Variants in MEGF11 observed in about 807,000 individuals in gnomAD.
MEGF11 encodes the protein multiple epidermal growth factor-like domains protein 11.
MEGF11 carries 126 observed loss-of-function variants against 146.6 expected under a neutral mutation model. The ratio of observed to expected loss-of-function variants is 0.86; its 90% CI spans 0.74 to 1.00. The LOEUF is 1.00. Ranked by LOEUF, MEGF11 falls within the 50% of genes least tolerant of loss-of-function variation. The pLI is 0.00. For synonymous variants in MEGF11, 532 were observed against 583.4 expected, an observed-to-expected ratio of 0.91 and a Z score of 1.27; for missense variants, 1,509 against 1,521.2, an observed-to-expected ratio of 0.99 and a Z score of 0.13.
At chr15:66,005,289 T>C (rs998309878) in intron 5 of MEGF11, among the ~76,000 whole-genome samples, 2 of 152,192 alleles carry the variant, frequency 1.3e-5, no homozygotes, top group Admixed American at 6.5e-5. Context: ...AAGCTCAGAA[T>C]TGAGTTCAGG....
At chr15:66,102,860 G>A (rs1175155365) in intron 4 of MEGF11, among the ~76,000 whole-genome samples, 1 of 152,166 alleles carries the variant, frequency 6.6e-6, no homozygotes, top group South Asian at 2.1e-4. Flanking sequence ...TTGGCCTAGC[G>A]GTACAGCTTT....
At chr15:65,914,825 A>G (rs1485484538) in intron 19 of MEGF11, among the ~76,000 whole-genome samples, 3 of 152,262 alleles carry the variant, frequency 2.0e-5, no homozygotes, top group Non-Finnish European at 4.4e-5. Flanking sequence ...ATCTAGAACC[A>G]ACATGTTTGC....
intron 1 of MEGF11, among the ~76,000 whole-genome samples, chr15:66,246,314 A>G (rs907341455): frequency 6.6e-6 from 1 of 152,102 alleles, no homozygotes; most frequent in Admixed American, 6.5e-5. Context: ...TGAGTATTGC[A>G]AGCAGAGTGT....
intron 1 of MEGF11, among the ~76,000 whole-genome samples, chr15:66,206,711 C>T (rs1298487960): frequency 6.6e-6 from 1 of 151,744 alleles, no homozygotes; most frequent in Non-Finnish European, 1.5e-5. Flanking sequence ...CAAGCCTGGG[C>T]AACATAGTGA....
chr15:66,129,497 AT>A (rs2088550934), intron 1 of MEGF11, among the ~76,000 whole-genome samples: 1 of 152,212 alleles, frequency 6.6e-6, no homozygotes, highest in Non-Finnish European at 1.5e-5. Context: ...TTTCTTCTTA[AT>A]CAGCAACACT....
intron 5 of MEGF11, among the ~76,000 whole-genome samples, chr15:66,050,358 C>A (rs2084400446): frequency 6.6e-6 from 1 of 152,124 alleles, no homozygotes; most frequent in South Asian, 2.1e-4. Context: ...GAGACCTACA[C>A]TTTTAACACA....
chr15:66,012,425 A>G (rs1249093663), intron 5 of MEGF11, among the ~76,000 whole-genome samples: 1 of 152,200 alleles, frequency 6.6e-6, no homozygotes, highest in African/African-American at 2.4e-5. Context: ...ATGTGGGATG[A>G]CAGACCCCAA....
chr15:66,185,713 AG>A (rs1156391103), intron 1 of MEGF11, among the ~76,000 whole-genome samples: 1 of 152,218 alleles, frequency 6.6e-6, no homozygotes, highest in Non-Finnish European at 1.5e-5. Context: ...GGCAAAGGTC[AG>A]GGGGCAGTGG....
At chr15:66,225,629 T>A (rs2091835795) in intron 1 of MEGF11, among the ~76,000 whole-genome samples, 1 of 152,132 alleles carries the variant, frequency 6.6e-6, no homozygotes. Context: ...TCACATATGG[T>A]CCTGCACACT....
At chr15:65,964,784 C>T in intron 9 of MEGF11, 124 bp downstream of exon 9, 1 of 932,130 alleles carries the variant, frequency 1.1e-6, no homozygotes, top group African/African-American at 1.7e-5. Flanking sequence ...TGCTGAGGTC[C>T]TAGCCCTTTC....
chr15:66,221,460 A>C (rs2091734982), intron 1 of MEGF11, among the ~76,000 whole-genome samples: 1 of 151,814 alleles, frequency 6.6e-6, no homozygotes, highest in Non-Finnish European at 1.5e-5. Flanking sequence ...TACAGACCTC[A>C]CATAATTTCA....
chr15:65,955,761 AATAT>A (rs1229131259), intron 10 of MEGF11, among the ~76,000 whole-genome samples: 19 of 14,706 alleles, frequency 1.3e-3, no homozygotes, highest in African/African-American at 5.3e-3. Flanking sequence ...AAAAAAAAAA[AATAT>A]ATATATATAT....
At chr15:66,071,047 A>G (rs1185662347) in intron 5 of MEGF11, among the ~76,000 whole-genome samples, 1 of 152,112 alleles carries the variant, frequency 6.6e-6, no homozygotes, top group Non-Finnish European at 1.5e-5. Flanking sequence ...GCGTTGTCCC[A>G]TATTCTTCAT....
intron 5 of MEGF11, among the ~76,000 whole-genome samples, chr15:66,064,987 G>A (rs539179712): frequency 3.9e-5 from 6 of 152,314 alleles, no homozygotes; most frequent in African/African-American, 1.4e-4. Flanking sequence ...CTCCTTCTAA[G>A]CCCTCTTCCT....
intron 7 of MEGF11, among the ~76,000 whole-genome samples, chr15:65,972,741 C>T (rs1244023061): frequency 3.9e-5 from 6 of 152,206 alleles, no homozygotes; most frequent in Admixed American, 6.5e-5. Flanking sequence ...TCAGTAAAGA[C>T]ATTTTCAGAT....
chr15:66,221,333 T>C (rs2091732624), intron 1 of MEGF11, among the ~76,000 whole-genome samples: 1 of 152,246 alleles, frequency 6.6e-6, no homozygotes, highest in African/African-American at 2.4e-5. Flanking sequence ...CTGCCCATGC[T>C]TCCGGCCCCA....
At chr15:66,117,532 A>C (rs1435746985) in intron 4 of MEGF11, among the ~76,000 whole-genome samples, 1 of 152,160 alleles carries the variant, frequency 6.6e-6, no homozygotes, top group Non-Finnish European at 1.5e-5. Context: ...TAGAAAGGAA[A>C]TGTGCTCGTC....
intron 5 of MEGF11, among the ~76,000 whole-genome samples, chr15:66,063,026 A>G (rs2084969564): frequency 6.6e-6 from 1 of 152,246 alleles, no homozygotes; most frequent in African/African-American, 2.4e-5. Context: ...ACGATCTACA[A>G]AAACATCTAG....
chr15:65,910,429 G>T (rs551169638), intron 21 of MEGF11, among the ~76,000 whole-genome samples: 9 of 152,116 alleles, frequency 5.9e-5, no homozygotes, highest in African/African-American at 2.2e-4. Context: ...GAACACACAC[G>T]AGTCAGTGAC....
Sources: allele counts gnomAD v4.1 joint callset (sites outside exome capture counted in the v4.1 genomes callset), GRCh38; gene constraint gnomAD v4.1.1; transcripts MANE v1.5; gene names NCBI Gene and HGNC (gene_info 2026-07-23, HGNC 2026-07-21).